Variants in RANBP17 observed in about 807,000 individuals in gnomAD.
RANBP17 encodes ran-binding protein 17.
RANBP17 carries 158 observed loss-of-function variants against 141.2 expected under a neutral mutation model. The ratio of observed to expected loss-of-function variants is 1.12; its 90% confidence interval spans 0.98 to 1.28. The LOEUF (loss-of-function observed/expected upper bound fraction) is 1.28, where lower values mean the gene tolerates loss of function less well. Among genes scored for constraint, RANBP17 ranks in the 50% most tolerant of loss-of-function variants. The probability of loss-of-function intolerance (pLI) is 0.00; values close to 1 mark genes in which losing one functional copy is unlikely to be tolerated. For missense variants in RANBP17, 1,438 were observed against 1,290.7 expected, an observed-to-expected ratio of 1.11 and a Z score of -1.75; for synonymous variants, 430 against 450.0, an observed-to-expected ratio of 0.96 and a Z score of 0.56.
chr5:170,958,587 A>T (rs1411556287), intron 13 of RANBP17, among the ~76,000 whole-genome samples: 2 of 152,198 alleles, frequency 1.3e-5, no homozygotes, highest in South Asian at 2.1e-4. Flanking sequence ...TCACTTTCAT[A>T]TGAAGATGTT....
intron 14 of RANBP17, among the ~76,000 whole-genome samples, chr5:171,090,034 G>T (rs1356570443): frequency 2.0e-5 from 3 of 152,244 alleles, no homozygotes; most frequent in Admixed American, 6.5e-5. Context: ...GGTACCAGGA[G>T]AGTGGGGCAC....
intron 14 of RANBP17, among the ~76,000 whole-genome samples, chr5:171,016,284 C>T (rs1333226592): frequency 2.0e-5 from 3 of 151,688 alleles, no homozygotes; most frequent in Admixed American, 6.6e-5. Context: ...TCAATACTCC[C>T]TGTTACTCTA....
At chr5:170,966,260 A>C (rs553627905) in intron 13 of RANBP17, among the ~76,000 whole-genome samples, 2 of 152,228 alleles carry the variant, frequency 1.3e-5, no homozygotes, top group South Asian at 4.1e-4. Context: ...TTTTAGACCA[A>C]TATCCTTGAT....
chr5:170,863,283 G>A (rs1053707487), intron 1 of RANBP17, among the ~76,000 whole-genome samples: 2 of 152,212 alleles, frequency 1.3e-5, no homozygotes, highest in East Asian at 3.8e-4. Context: ...AGGGGAGGCA[G>A]TGGGTGGCAG....
At chr5:171,233,042 C>G (rs1042791046) in intron 22 of RANBP17, among the ~76,000 whole-genome samples, 1 of 151,994 alleles carries the variant, frequency 6.6e-6, no homozygotes, top group Non-Finnish European at 1.5e-5. Flanking sequence ...AAGAAATTAA[C>G]TAGTAATTAG....
chr5:171,153,393 A>T (rs1301381796), intron 14 of RANBP17, among the ~76,000 whole-genome samples: 1 of 152,206 alleles, frequency 6.6e-6, no homozygotes, highest in African/African-American at 2.4e-5. Context: ...TTTATTATAC[A>T]AATACTTATC....
intron 3 of RANBP17, 75 bp downstream of exon 3, chr5:170,881,971 T>C: frequency 1.1e-6 from 1 of 891,838 alleles, no homozygotes; most frequent in South Asian, 2.2e-5. Context: ...AAACTGTTAC[T>C]AGGATTGCAA....
intron 12 of RANBP17, among the ~76,000 whole-genome samples, chr5:170,947,548 G>C (rs1444161712): frequency 6.6e-6 from 1 of 152,136 alleles, no homozygotes; most frequent in Admixed American, 6.6e-5. Flanking sequence ...GGCTTATCAG[G>C]TAACAATTGC....
intron 12 of RANBP17, among the ~76,000 whole-genome samples, chr5:170,935,069 C>T (rs1332260541): frequency 6.6e-6 from 1 of 152,202 alleles, no homozygotes; most frequent in Non-Finnish European, 1.5e-5. Context: ...TATTCAATCA[C>T]TGATATCCTT....
At chr5:170,960,782 C>T (rs1776080660) in intron 13 of RANBP17, among the ~76,000 whole-genome samples, 1 of 152,224 alleles carries the variant, frequency 6.6e-6, no homozygotes, top group Non-Finnish European at 1.5e-5. Flanking sequence ...CATGGCTTAT[C>T]AGGCTGTTCA....
chr5:171,105,002 T>C (rs1394158938), intron 14 of RANBP17, among the ~76,000 whole-genome samples: 1 of 152,206 alleles, frequency 6.6e-6, no homozygotes, highest in Non-Finnish European at 1.5e-5. Flanking sequence ...TATTACATAT[T>C]GTACGTTGAT....
chr5:171,035,555 T>C (rs1330547627), intron 14 of RANBP17, among the ~76,000 whole-genome samples: 4 of 150,694 alleles, frequency 2.7e-5, no homozygotes, highest in Non-Finnish European at 5.9e-5. Flanking sequence ...GTTTTGTTTT[T>C]TAGGGTTTTT....
chr5:171,022,871 T>C (rs1413340418), intron 14 of RANBP17, among the ~76,000 whole-genome samples: 1 of 152,174 alleles, frequency 6.6e-6, no homozygotes, highest in Non-Finnish European at 1.5e-5. Flanking sequence ...CGGTTGACAA[T>C]CTGTAGGGCT....
intron 14 of RANBP17, among the ~76,000 whole-genome samples, chr5:171,034,284 C>T (rs574206135): frequency 3.3e-5 from 5 of 152,166 alleles, no homozygotes; most frequent in African/African-American, 1.2e-4. Flanking sequence ...CAGCTTGGTC[C>T]CAGGTTGTAA....
At chr5:171,101,558 G>A (rs1057228761) in intron 14 of RANBP17, among the ~76,000 whole-genome samples, 7 of 152,012 alleles carry the variant, frequency 4.6e-5, no homozygotes, top group South Asian at 2.1e-4. Flanking sequence ...CCAGTTTTCC[G>A]TCTGTGACTT....
chr5:171,246,010 C>A (rs1765194463), intron 24 of RANBP17, among the ~76,000 whole-genome samples: 1 of 151,992 alleles, frequency 6.6e-6, no homozygotes, highest in Non-Finnish European at 1.5e-5. Context: ...TCCCAAGTAC[C>A]TGGGATTACA....
chr5:171,026,674 T>A (rs1034056298), intron 14 of RANBP17, among the ~76,000 whole-genome samples: 3 of 152,218 alleles, frequency 2.0e-5, no homozygotes, highest in South Asian at 2.1e-4. Flanking sequence ...TTGGTTTGGA[T>A]CTTTGAAGAT....
intron 23 of RANBP17, among the ~76,000 whole-genome samples, chr5:171,241,346 CA>C (rs892498177): frequency 2.0e-4 from 30 of 149,736 alleles, no homozygotes; most frequent in Non-Finnish European, 8.9e-5. Context: ...ATATAGAAAC[CA>C]ATATGTGCCC....
intron 14 of RANBP17, among the ~76,000 whole-genome samples, chr5:171,091,721 C>CATG (rs1554096544): frequency 6.6e-6 from 1 of 152,160 alleles, no homozygotes. Flanking sequence ...GAATAAGTCT[C>CATG]ATGAGATCTG....
Sources: gnomAD v4.1 joint callset for allele counts (sites outside exome capture counted in the v4.1 genomes callset) on GRCh38, gnomAD v4.1.1 for gene constraint, MANE v1.5 for transcripts, NCBI Gene and HGNC (gene_info 2026-07-23, HGNC 2026-07-21) for gene names.